The following RNF216 variants were observed in gnomAD, a reference collection of about 807,000 sequenced individuals.
The protein encoded by RNF216 is E3 ubiquitin-protein ligase RNF216.
A neutral mutation model predicts 110.8 loss-of-function variants in RNF216; 72 were observed. That is an observed-to-expected ratio of 0.65 (90% CI 0.54 to 0.79). The LOEUF is 0.79. RNF216 is among the 30% of genes least tolerant of loss of function. RNF216 has a pLI of 0.00. For synonymous variants in RNF216, 495 were observed against 407.5 expected, an observed-to-expected ratio of 1.21 and a Z score of -2.59; for missense variants, 1,342 against 1,141.2, an observed-to-expected ratio of 1.18 and a Z score of -2.54.
chr7:5,630,517 T>G (rs1440922675), intron 15 of RNF216, among the ~76,000 whole-genome samples: 1 of 152,160 alleles, frequency 6.6e-6, no homozygotes. Flanking sequence ...TAGGTGGGAC[T>G]ACAGGTGTGT....
chr7:5,689,982 A>AC (rs935458410), intron 13 of RNF216, among the ~76,000 whole-genome samples: 3 of 151,098 alleles, frequency 2.0e-5, no homozygotes, highest in Admixed American at 2.0e-4. Flanking sequence ...AGGGCAGGTA[A>AC]CCCCCCTTAT....
intron 14 of RNF216, 132 bp downstream of exon 14, chr7:5,652,281 T>C (rs1175460034): frequency 7.6e-6 from 5 of 656,078 alleles, no homozygotes; most frequent in African/African-American, 1.8e-5. Flanking sequence ...GTTAGATTAC[T>C]TCCCCAAGAT....
intron 5 of RNF216, among the ~76,000 whole-genome samples, chr7:5,734,637 G>A (rs1306256690): frequency 7.1e-6 from 1 of 140,172 alleles, no homozygotes; most frequent in Admixed American, 6.9e-5. Flanking sequence ...AGAGTCTGTC[G>A]TTGAAAAATA....
intron 14 of RNF216, among the ~76,000 whole-genome samples, chr7:5,647,498 TA>T (rs1788127536): frequency 1.3e-5 from 2 of 151,918 alleles, no homozygotes; most frequent in African/African-American, 2.4e-5. Flanking sequence ...CATGCCTGGC[TA>T]ATTTTTAGAT....
chr7:5,649,543 G>T (rs1374491124), intron 14 of RNF216: 3 of 151,974 alleles, frequency 2.0e-5, no homozygotes, highest in Non-Finnish European at 4.4e-5. Flanking sequence ...CATCTGGCAG[G>T]ATTCTGTTGC....
chr7:5,636,578 T>C (rs1201291376), intron 15 of RNF216, among the ~76,000 whole-genome samples: 1 of 152,224 alleles, frequency 6.6e-6, no homozygotes, highest in Non-Finnish European at 1.5e-5. Context: ...CAGTGCATGC[T>C]TTGTTTCACT....
intron 1 of RNF216, among the ~76,000 whole-genome samples, chr7:5,769,380 T>C (rs900614080): frequency 1.3e-5 from 2 of 151,984 alleles, no homozygotes; most frequent in African/African-American, 4.8e-5. Context: ...CCTCCCGAAG[T>C]GTTGGGATTA....
In RNF216 at chr7:5,622,790, G is replaced by T; in HGVS notation, c.*70C>A. ...ATGCAATGGTACAGACACCAGCCTTGGGGGAGGGTTCTCCATCCACACTCC... is the reference window on the plus strand; with the variant it reads ...ATGCAATGGTACAGACACCAGCCTTTGGGGAGGGTTCTCCATCCACACTCC... On this transcript the variant is annotated 3_prime_UTR_variant, in exon 17 of 17. Transcript: ENST00000389902. 7.0e-7 allele frequency: 1 copy of T among 1,433,866 alleles called. No homozygotes were observed. Among genetic ancestry groups the T allele is most frequent in the Non-Finnish European group, 9.5e-7 (1 of 1,052,572 alleles). The allele number at this position is 1,433,866 out of a possible 1,614,324, so 88.8% of individuals were successfully genotyped here.
chr7:5,689,784 T>C (rs1055109250), intron 13 of RNF216, among the ~76,000 whole-genome samples: 2 of 151,772 alleles, frequency 1.3e-5, no homozygotes, highest in Admixed American at 6.6e-5. Flanking sequence ...CAAAATTCCG[T>C]CTCTACTAAA....
intron 14 of RNF216, among the ~76,000 whole-genome samples, chr7:5,651,845 C>T (rs1301160441): frequency 2.0e-5 from 3 of 152,128 alleles, no homozygotes; most frequent in Admixed American, 6.5e-5. Flanking sequence ...GATGGGGTTT[C>T]ACCATGTTGG....
chr7:5,678,099 G>C (rs1263622058), intron 13 of RNF216, among the ~76,000 whole-genome samples: 1 of 152,056 alleles, frequency 6.6e-6, no homozygotes, highest in Non-Finnish European at 1.5e-5. Context: ...TCCAATGCCT[G>C]ACGCCCCACT....
chr7:5,758,366 G>A (rs1035561800), intron 2 of RNF216, among the ~76,000 whole-genome samples: 1 of 152,154 alleles, frequency 6.6e-6, no homozygotes, highest in Non-Finnish European at 1.5e-5. Flanking sequence ...AATGTGCATA[G>A]CTTGAGCAAT....
In RNF216 at chr7:5,723,573, G is replaced by T. The variant is rs1434957047; in HGVS notation, c.1504+1751C>A. ...GAGGTAGGAGAATGGCGTGAACCCA[G>T]GAGGCGGAGTTTGCAGTGAGCCGAG... On this transcript the variant is annotated intron_variant, in intron 8 of 16. Transcript: ENST00000389902. Among the ~76,000 whole-genome samples the T allele has an allele frequency of 2.0e-5, 3 of 152,032 alleles. 1 individual carries two copies. The highest frequency in any genetic ancestry group is 7.2e-5 in the African/African-American group (3 of 41,380).
chr7:5,758,940 G>C (rs961654015), intron 2 of RNF216, among the ~76,000 whole-genome samples: 5 of 152,126 alleles, frequency 3.3e-5, no homozygotes, highest in African/African-American at 9.7e-5. Context: ...GTATGGTTTG[G>C]ATCTGTGTCC....
intron 1 of RNF216, among the ~76,000 whole-genome samples, chr7:5,769,739 A>G (rs1445130328): frequency 6.7e-6 from 1 of 149,304 alleles, no homozygotes; most frequent in Admixed American, 6.7e-5. Flanking sequence ...GAAAAAAAGA[A>G]AAAAGACTGA....
chr7:5,682,412 CTTTTT>C (rs775691792), intron 13 of RNF216, among the ~76,000 whole-genome samples: 1 of 140,614 alleles, frequency 7.1e-6, no homozygotes, highest in African/African-American at 2.6e-5. Flanking sequence ...CATTTTTTTT[CTTTTT>C]TTTTTTTTTT....
At chr7:5,748,025 A>G (rs982329435) in intron 3 of RNF216, among the ~76,000 whole-genome samples, 9 of 152,048 alleles carry the variant, frequency 5.9e-5, no homozygotes, top group Non-Finnish European at 8.8e-5. Flanking sequence ...CTAAATTCCT[A>G]TGCTCCAAGA....
rs10242117 is a variant in RNF216, at chr7:5,767,524, C to A, written c.-69-6386G>T. Among the ~76,000 whole-genome samples, 764 of 152,150 alleles carry A rather than the reference C, an allele frequency of 5.0e-3. 6 individuals carry two copies. The highest frequency in any genetic ancestry group is 0.017 in the African/African-American group (720 of 41,512). On this transcript the variant is annotated intron_variant, in intron 1 of 16. Transcript: ENST00000389902. Reference sequence around the variant, plus strand: ...TAACCTATGCCACATACATGCAGGACTAGACTCCCCAAAATCCAACAGCAG... The same window carrying A: ...TAACCTATGCCACATACATGCAGGAATAGACTCCCCAAAATCCAACAGCAG...
At position 5,721,625 on chromosome 7, in the gene RNF216, G is replaced by C. The variant is rs1191111027; in HGVS notation, c.1505-453C>G. Reference sequence around the variant, plus strand: ...GAAAATAATGCCAGTTTTCCAAAGTGGTTGTACCAGTTTACACCCTTCCTC... The same window carrying C: ...GAAAATAATGCCAGTTTTCCAAAGTCGTTGTACCAGTTTACACCCTTCCTC... On this transcript the variant is annotated intron_variant, in intron 8 of 16. Transcript: ENST00000389902. Among the ~76,000 whole-genome samples the C allele has an allele frequency of 2.0e-5, 3 of 152,292 alleles. No individual in the cohort carries two copies. In the East Asian group the frequency reaches 5.8e-4, roughly 29 times the overall value.
Sources: gnomAD v4.1 joint callset for allele counts (sites outside exome capture counted in the v4.1 genomes callset) on GRCh38, gnomAD v4.1.1 for gene constraint, MANE v1.5 for transcripts, NCBI Gene and HGNC (gene_info 2026-07-23, HGNC 2026-07-21) for gene names.